EPS8: variants seen among roughly 807,000 people sequenced by gnomAD.
EPS8 encodes epidermal growth factor receptor kinase substrate 8.
Under a neutral mutation model 103.8 loss-of-function variants are expected in EPS8, and 42 were observed. The observed-to-expected ratio is 0.40, with a 90% confidence interval of 0.32 to 0.52. The LOEUF (loss-of-function observed/expected upper bound fraction) is 0.52. Among genes scored for constraint, EPS8 ranks in the 20% least tolerant of loss-of-function variants. The pLI is 0.40. For missense variants in EPS8, 969 were observed against 1,005.1 expected (o/e 0.96, Z 0.49); for synonymous variants, 344 against 344.6 (o/e 1.00, Z 0.02).
intron 1 of EPS8, among the ~76,000 whole-genome samples, chr12:15,765,212 A>G (rs371172189): frequency 1.3e-5 from 2 of 152,212 alleles, no homozygotes; most frequent in African/African-American, 4.8e-5. Context: ...TAAATGAAAC[A>G]AAATAAGCCT....
Position 15,693,864 on chromosome 12 carries a change from G to A in EPS8, c.-21-10892C>T, listed in dbSNP as rs112033651. 6.6e-6 allele frequency among the ~76,000 whole-genome samples: 1 copy of A among 152,012 alleles called. No individual in the cohort carries two copies. Among genetic ancestry groups the A allele is most frequent in the African/African-American group, 2.4e-5 (1 of 41,310 alleles). On this transcript the variant is annotated intron_variant, in intron 1 of 20. Coordinates refer to ENST00000281172, the MANE Select transcript of EPS8 (RefSeq NM_004447.6). The surrounding 1 kb of genome is among the most constrained non-coding windows in gnomAD (Gnocchi z 5.6). Reference sequence around the variant, plus strand: ...CAATGAGAACACATGGACACAGGGAGGGGAAAAAATACACACCAAGGCCTG... The same window carrying A: ...CAATGAGAACACATGGACACAGGGAAGGGAAAAAATACACACCAAGGCCTG...
chr12:15,776,218 G>T lies in EPS8; in HGVS notation c.-22+12943C>A, dbSNP rs950194746. Among the ~76,000 whole-genome samples the T allele has an allele frequency of 1.3e-5, 2 of 152,172 alleles. No homozygotes were observed. Among genetic ancestry groups the T allele is most frequent in the African/African-American group, 4.8e-5 (2 of 41,426 alleles). On this transcript the variant is annotated intron_variant, in intron 1 of 20. Transcript: ENST00000281172. The surrounding 1 kb of genome is among the most constrained non-coding windows in gnomAD (Gnocchi z 4.2). ...AGAAATAGCAAGAATAATTAGAAAG[G>T]GAGGAAGAAGCAGCTGAAATGATCA... is the stretch of plus-strand genomic sequence containing the variant.
intron 1 of EPS8, among the ~76,000 whole-genome samples, chr12:15,699,298 G>A (rs1946281907): frequency 6.6e-6 from 1 of 152,214 alleles, no homozygotes; most frequent in South Asian, 2.1e-4. Context: ...ATAGTATGAA[G>A]ATGAGCAGCC....
In EPS8 at chr12:15,748,930, C is replaced by A. The variant is rs1284109348; in HGVS notation, c.-22+40231G>T. Among the ~76,000 whole-genome samples the A allele has an allele frequency of 6.6e-6, 1 of 152,148 alleles. No homozygotes were observed. The highest frequency in any genetic ancestry group is 6.5e-5 in the Admixed American group (1 of 15,272). ...AAAACGTATAGTCTTCTCTTCCTTTCATACCATAGAACATCAGCACTTTAT... is the reference window on the plus strand; with the variant it reads ...AAAACGTATAGTCTTCTCTTCCTTTAATACCATAGAACATCAGCACTTTAT... On this transcript the variant is annotated intron_variant, in intron 1 of 20. Transcript: ENST00000281172. This position sits in a 1 kb window ranked among gnomAD's most constrained non-coding sequence, Gnocchi z 4.8.
intron 3 of EPS8, among the ~76,000 whole-genome samples, chr12:15,677,523 G>A (rs1210693192): frequency 1.3e-5 from 2 of 152,144 alleles, no homozygotes; most frequent in Non-Finnish European, 2.9e-5. Flanking sequence ...GCACAAAACA[G>A]TATCCTCCTA....
In EPS8 at chr12:15,684,635, G is replaced by A. The variant is rs1040467910; in HGVS notation, c.-21-1663C>T. 2.6e-5 allele frequency among the ~76,000 whole-genome samples: 4 copies of A among 152,160 alleles called. No individual in the cohort carries two copies. The highest frequency in any genetic ancestry group is 9.7e-5 in the African/African-American group (4 of 41,434). ...AGTAAGGAATTAAGTCCCAACATAT[G>A]TAGCTCTATTTTAAATCTGCTAGAA... On this transcript the variant is annotated intron_variant, in intron 1 of 20. Coordinates refer to ENST00000281172, the MANE Select transcript of EPS8 (RefSeq NM_004447.6). The surrounding 1 kb of genome is among the most constrained non-coding windows in gnomAD (Gnocchi z 4.9).
chr12:15,621,451 A>G, intron 20 of EPS8, 21 bp from the exon 21 acceptor site: 1 of 1,387,674 alleles, frequency 7.2e-7, no homozygotes, highest in Non-Finnish European at 1.0e-6. Flanking sequence ...AACAGTTCAG[A>G]CAAGATAGTT....
At chr12:15,631,331 C>A in intron 18 of EPS8, 111 bp downstream of exon 18, 1 of 1,458,936 alleles carries the variant, frequency 6.9e-7, no homozygotes, top group Non-Finnish European at 9.3e-7. Context: ...CTATTAAGTA[C>A]CATGCAAGTA....
chr12:15,729,494 C>G (rs1946690098), intron 1 of EPS8, among the ~76,000 whole-genome samples: 1 of 152,122 alleles, frequency 6.6e-6, no homozygotes, highest in Non-Finnish European at 1.5e-5. Flanking sequence ...ATTGCCCTAC[C>G]TCCAAGCTCA....
intron 12 of EPS8, 185 bp from the exon 13 acceptor site, chr12:15,654,478 G>A (rs1945473030): frequency 4.9e-6 from 3 of 611,882 alleles, no homozygotes; most frequent in Non-Finnish European, 8.6e-6. Context: ...GCCCAGCAGT[G>A]CTTTAAAACC....
chr12:15,717,418 C>G lies in EPS8; in HGVS notation c.-21-34446G>C, dbSNP rs1946544471. On this transcript the variant is annotated intron_variant, in intron 1 of 20. Coordinates refer to ENST00000281172, the MANE Select transcript of EPS8 (RefSeq NM_004447.6). This position sits in a 1 kb window ranked among gnomAD's most constrained non-coding sequence, Gnocchi z 4.3. ...CCTGGGCAACATGGTGAAACCCCAT[C>G]TCTACTAAAAATACAAAAATTAGCT... Among the ~76,000 whole-genome samples, 1 of 152,114 alleles carries G rather than the reference C, an allele frequency of 6.6e-6. No individual in the cohort carries two copies. Among genetic ancestry groups the G allele is most frequent in the Non-Finnish European group, 1.5e-5 (1 of 68,030 alleles).
chr12:15,672,540 T>C (rs1945835044), intron 3 of EPS8: 1 of 398,114 alleles, frequency 2.5e-6, no homozygotes, highest in African/African-American at 2.1e-5. Context: ...AAAGATCTGG[T>C]TTCACCTAAA....
intron 3 of EPS8, among the ~76,000 whole-genome samples, chr12:15,680,408 A>T (rs1565496757): frequency 6.6e-6 from 1 of 152,202 alleles, no homozygotes; most frequent in Non-Finnish European, 1.5e-5. Context: ...AGTATTTTGC[A>T]TGTACTAACT....
At chr12:15,720,632 G>A (rs899104206) in intron 1 of EPS8, among the ~76,000 whole-genome samples, 16 of 152,100 alleles carry the variant, frequency 1.1e-4, no homozygotes, top group African/African-American at 3.6e-4. Flanking sequence ...TACTTAGAAC[G>A]CTTCAGTGTT....
rs989022271 is a variant in EPS8, at chr12:15,693,206, G to T, written c.-21-10234C>A. Reference sequence around the variant, plus strand: ...TAGATCAGTCAGGTTCTCCAAGGAAGTATCTTCCCATTCCATGTTTAGAGA... The same window carrying T: ...TAGATCAGTCAGGTTCTCCAAGGAATTATCTTCCCATTCCATGTTTAGAGA... On this transcript the variant is annotated intron_variant, in intron 1 of 20. Transcript: ENST00000281172. The surrounding 1 kb of genome is among the most constrained non-coding windows in gnomAD (Gnocchi z 5.6). 6.6e-6 allele frequency among the ~76,000 whole-genome samples: 1 copy of T among 152,162 alleles called. No individual in the cohort carries two copies. The highest frequency in any genetic ancestry group is 1.5e-5 in the Non-Finnish European group (1 of 68,034).
intron 1 of EPS8, among the ~76,000 whole-genome samples, chr12:15,685,370 A>G (rs1333630632): frequency 1.3e-5 from 2 of 152,226 alleles, no homozygotes; most frequent in African/African-American, 4.8e-5. Context: ...TGAAAAAAAA[A>G]GAAGTGTTCT....
rs773828753 is a variant in EPS8 at position 15,665,780 on chromosome 12, C to T, written c.712G>A (p.Ala238Thr). Residue 238 changes from alanine (A) to threonine (T), a missense_variant, in exon 8 of 21, where the codon GCA becomes ACA. Coordinates refer to ENST00000281172, the MANE Select transcript of EPS8 (RefSeq NM_004447.6). The stretch of plus-strand genomic sequence containing the variant: ...CAGTCCCCTTGGTCGGCTGCCCATG[C>T]AGACCAGGCTGCCACTCGACTTCTA... ...DVRSRVAAWS[A>T]WAADQGDFEK... The T allele has an allele frequency of 3.7e-6, 6 of 1,613,410 alleles. No homozygotes were observed. In the Admixed American group the frequency reaches 5.0e-5, roughly 13 times the overall value.
chr12:15,658,805 A>G (rs534648118), intron 10 of EPS8, among the ~76,000 whole-genome samples: 8 of 152,298 alleles, frequency 5.3e-5, no homozygotes, highest in Non-Finnish European at 1.0e-4. Context: ...TACTCATTTA[A>G]TTCCATAAAC....
rs191452177 is a variant in EPS8, at chr12:15,621,109, C to A, written c.*208G>T. ...AAGTAAGAAAAATATTTTCCAAGGT[C>A]AAAAAATTCAGTTTAAATTTTTTCA... On this transcript the variant is annotated 3_prime_UTR_variant, in exon 21 of 21. Coordinates refer to ENST00000281172, the MANE Select transcript of EPS8 (RefSeq NM_004447.6). 1.3e-4 allele frequency: 56 copies of A among 427,430 alleles called. No individual in the cohort carries two copies. In the East Asian group the frequency reaches 2.1e-3, roughly 16 times the overall value. The allele number at this position is 427,430 out of a possible 1,614,324, so 26.5% of individuals were successfully genotyped here.
Sources: allele counts gnomAD v4.1 joint callset (sites outside exome capture counted in the v4.1 genomes callset), GRCh38; gene constraint gnomAD v4.1.1; non-coding constraint Gnocchi (gnomAD v3.1); transcripts MANE v1.5; gene names NCBI Gene and HGNC (gene_info 2026-07-23, HGNC 2026-07-21).